The following CR1 variants were observed in gnomAD, a reference collection of about 807,000 sequenced individuals.
CR1 encodes complement receptor type 1.
CR1 carries 116 observed loss-of-function variants against 187.3 expected under a neutral mutation model. That is an observed-to-expected ratio of 0.62 (90% CI 0.53 to 0.72). The LOEUF (loss-of-function observed/expected upper bound fraction) is 0.72. Among genes scored for constraint, CR1 ranks in the 30% least tolerant of loss-of-function variants. CR1 has a pLI of 0.00. For synonymous variants in CR1, 576 were observed against 747.1 expected (o/e 0.77, Z 3.73); for missense variants, 1,731 against 2,110.7 (o/e 0.82, Z 3.52).
rs200590657 is a variant in CR1, at chr1:207,622,978, T to C, written c.7277-15T>C. The C allele has an allele frequency of 2.7e-5, 41 of 1,546,264 alleles. No individual in the cohort carries two copies. The African/African-American group carries it at 4.3e-4, about 16-fold the overall frequency. On this transcript the variant is annotated splice_polypyrimidine_tract_variant and intron_variant, in intron 44 of 46. Transcript: ENST00000367049. ...ATATTTTCCATGCATTTAATTACCT[T>C]GTTTTACTGCCTAGGCACTTTATCT...
intron 45 of CR1, among the ~76,000 whole-genome samples, chr1:207,628,469 T>C (rs985050261): frequency 2.6e-5 from 4 of 152,234 alleles, no homozygotes; most frequent in Non-Finnish European, 5.9e-5. Context: ...TTTATTATCT[T>C]CTTTGGTCCT....
Position 207,612,013 on chromosome 1 carries a change from G to A in CR1, c.6547G>A (p.Ala2183Thr), listed in dbSNP as rs1453603748. Residue 2183 changes from alanine to threonine, a missense_variant, in exon 39 of 47, where the codon GCA (alanine) becomes ACA (threonine). Around this residue, in one of 5 missense-constraint regions of CR1, gnomAD observed 1,312 missense variants for 1,379.6 expected, o/e 0.95. Transcript: ENST00000367049. ...VLLPLNLQLG[A>T]KVSFVCDEGF... ...ACTTCCACTTAATCTCCAGCTTGGGGCAAAGGTGTCCTTTGTTTGCGATGA... is the reference window on the plus strand; with the variant it reads ...ACTTCCACTTAATCTCCAGCTTGGGACAAAGGTGTCCTTTGTTTGCGATGA... 3 of 1,614,032 alleles carry A rather than the reference G, an allele frequency of 1.9e-6. No homozygotes were observed. The highest frequency in any genetic ancestry group is 2.5e-6 in the Non-Finnish European group (3 of 1,179,904).
At chr1:207,625,650 T>C (rs374314879) in intron 45 of CR1, among the ~76,000 whole-genome samples, 5 of 152,262 alleles carry the variant, frequency 3.3e-5, no homozygotes, top group Middle Eastern at 3.4e-3. Flanking sequence ...ACACAGGGGC[T>C]AGGGTTTTTA....
chr1:207,602,567 A>G (rs1317059206), intron 35 of CR1, among the ~76,000 whole-genome samples: 1 of 152,162 alleles, frequency 6.6e-6, no homozygotes, highest in Non-Finnish European at 1.5e-5. Flanking sequence ...GTTAAAATCT[A>G]AAAGCATGCT....
intron 44 of CR1, among the ~76,000 whole-genome samples, 180 bp from the exon 45 acceptor site, chr1:207,622,813 T>C (rs1358031894): frequency 6.6e-6 from 1 of 152,044 alleles, no homozygotes; most frequent in Non-Finnish European, 1.5e-5. Flanking sequence ...ACCTTAACTT[T>C]AATAACCCTG....
intron 4 of CR1, among the ~76,000 whole-genome samples, chr1:207,521,541 A>G (rs1659992008): frequency 6.6e-6 from 1 of 150,482 alleles, no homozygotes; most frequent in African/African-American, 2.4e-5. Flanking sequence ...ACCTGCTATT[A>G]ATCTCACACA....
At chr1:207,497,960 G>A (rs1659142393) in intron 1 of CR1, among the ~76,000 whole-genome samples, 1 of 152,196 alleles carries the variant, frequency 6.6e-6, no homozygotes, top group African/African-American at 2.4e-5. Context: ...TAAGAGCTCT[G>A]CACCCAAAGT....
chr1:207,635,674 G>T (rs1571625825), intron 46 of CR1, among the ~76,000 whole-genome samples: 1 of 152,124 alleles, frequency 6.6e-6, no homozygotes. Context: ...GTGTCAGGCT[G>T]GGGGAAGGTC....
At chr1:207,635,391 TAAAC>T (rs962204392) in intron 46 of CR1, among the ~76,000 whole-genome samples, 2 of 152,242 alleles carry the variant, frequency 1.3e-5, no homozygotes, top group Admixed American at 6.5e-5. Context: ...CTCGGCATCA[TAAAC>T]AAGGTAAAGA....
chr1:207,575,954 C>T, intron 28 of CR1, among the ~76,000 whole-genome samples: 1 of 152,118 alleles, frequency 6.6e-6, no homozygotes, highest in South Asian at 2.1e-4. Flanking sequence ...TTGAGCACCT[C>T]GCAGTTTGAA....
chr1:207,603,057 C>T (rs1331642269), intron 35 of CR1, among the ~76,000 whole-genome samples: 1 of 151,878 alleles, frequency 6.6e-6, no homozygotes, highest in African/African-American at 2.4e-5. Context: ...TTAATTATCC[C>T]TGAATTAGTA....
chr1:207,581,359 CATATGTATACGT>C (rs1194483546), intron 31 of CR1, among the ~76,000 whole-genome samples: 1 of 128,914 alleles, frequency 7.8e-6, no homozygotes, highest in Non-Finnish European at 1.5e-5. Flanking sequence ...TATACATGTC[CATATGTATACGT>C]ATATGTATAC....
intron 5 of CR1, among the ~76,000 whole-genome samples, chr1:207,525,547 T>C (rs1337010336): frequency 1.3e-5 from 2 of 151,894 alleles, no homozygotes; most frequent in African/African-American, 4.9e-5. Context: ...AAGCCATCTA[T>C]ACTGCCACTG....
chr1:207,520,108 T>C (rs1296977928), intron 4 of CR1, among the ~76,000 whole-genome samples: 2 of 152,258 alleles, frequency 1.3e-5, no homozygotes, highest in Non-Finnish European at 2.9e-5. Flanking sequence ...ATTCTTAGAA[T>C]TTTTATGTTG....
At chr1:207,577,266 A>AAAC (rs10661053) in intron 28 of CR1, among the ~76,000 whole-genome samples, 23 of 123,294 alleles carry the variant, frequency 1.9e-4, no homozygotes, top group African/African-American at 8.7e-4. Flanking sequence ...ACAAACAAAC[A>AAAC]AAAAAAAAAC....
intron 27 of CR1, among the ~76,000 whole-genome samples, chr1:207,575,065 G>A (rs1660697936): frequency 6.6e-6 from 1 of 152,110 alleles, no homozygotes; most frequent in South Asian, 2.1e-4. Context: ...GATGATGAAA[G>A]CAAATCAAAT....
In CR1 at chr1:207,520,042, C is replaced by G. The variant is rs544647570; in HGVS notation, c.488-3569C>G. Among the ~76,000 whole-genome samples, 19 of 152,334 alleles carry G rather than the reference C, an allele frequency of 1.2e-4. 2 individuals are homozygous for G. Among genetic ancestry groups the G allele is most frequent in the African/African-American group, 4.3e-4 (18 of 41,584 alleles). ...AACGATTTACATATATTCTATATTT[C>G]AAAGACACTGTTGTCTTTATAAAAA... is the stretch of plus-strand genomic sequence containing the variant. On this transcript the variant is annotated intron_variant, in intron 4 of 46. Transcript: ENST00000367049.
At chr1:207,574,909 A>T (rs1660692993) in intron 27 of CR1, among the ~76,000 whole-genome samples, 2 of 152,216 alleles carry the variant, frequency 1.3e-5, no homozygotes, top group South Asian at 4.1e-4. Context: ...AGTGAGAGGG[A>T]AAGAAAAGGA....
At chr1:207,523,366 T>A (rs1660056974) in intron 4 of CR1, among the ~76,000 whole-genome samples, 1 of 152,142 alleles carries the variant, frequency 6.6e-6, no homozygotes, top group Admixed American at 6.5e-5. Flanking sequence ...CTATTTAAAA[T>A]GAAAAGAATG....
Sources: gnomAD v4.1 joint callset for allele counts (sites outside exome capture counted in the v4.1 genomes callset) on GRCh38, gnomAD v4.1.1 for gene constraint, gnomAD v4.1.1 regional missense constraint, MANE v1.5 for transcripts, NCBI Gene and HGNC (gene_info 2026-07-23, HGNC 2026-07-21) for gene names.